Variants in UBE2D1 observed in about 807,000 individuals in gnomAD.
UBE2D1 encodes ubiquitin conjugating enzyme E2 D1.
In UBE2D1, 9 loss-of-function variants were observed where a neutral mutation model predicts 24.6. That is an observed-to-expected ratio of 0.37 (90% confidence interval 0.22 to 0.64). The LOEUF is 0.64. Among genes scored for constraint, UBE2D1 ranks in the 30% least tolerant of loss-of-function variants. UBE2D1 has a pLI of 0.64. For synonymous variants in UBE2D1, 57 were observed against 57.6 expected (o/e 0.99, Z 0.04); for missense variants, 87 against 177.1 (o/e 0.49, Z 2.89).
chr10:58,360,035 C>T (rs1840177142), intron 1 of UBE2D1, among the ~76,000 whole-genome samples: 1 of 152,164 alleles, frequency 6.6e-6, no homozygotes, highest in South Asian at 2.1e-4. Flanking sequence ...TAAATCAGAA[C>T]ATGCCACTTC....
At chr10:58,340,051 G>C (rs984237622) in intron 1 of UBE2D1, among the ~76,000 whole-genome samples, 1 of 152,124 alleles carries the variant, frequency 6.6e-6, no homozygotes, top group Non-Finnish European at 1.5e-5. Context: ...TTTCAACCTT[G>C]AGCTTTATGA....
intron 1 of UBE2D1, among the ~76,000 whole-genome samples, chr10:58,347,869 G>C (rs1043090939): frequency 2.6e-5 from 4 of 151,922 alleles, no homozygotes; most frequent in African/African-American, 7.3e-5. Context: ...GGCTGGTCTC[G>C]AACTCCTGAC....
intron 1 of UBE2D1, chr10:58,360,886 C>T: frequency 2.3e-6 from 1 of 431,074 alleles, no homozygotes; most frequent in Non-Finnish European, 4.6e-6. Flanking sequence ...CGTGCCACTG[C>T]ACTCCATCCT....
intron 1 of UBE2D1, among the ~76,000 whole-genome samples, chr10:58,346,037 G>A (rs556292437): frequency 2.7e-5 from 4 of 148,118 alleles, no homozygotes; most frequent in African/African-American, 1.0e-4. Context: ...TTTAGACGGA[G>A]TCTCACTCTG....
chr10:58,354,289 T>A (rs1176704191), intron 1 of UBE2D1, among the ~76,000 whole-genome samples: 1 of 152,098 alleles, frequency 6.6e-6, no homozygotes, highest in East Asian at 1.9e-4. Context: ...CAGGTAAAAT[T>A]TGATCATGGG....
At position 58,343,821 on chromosome 10, in the gene UBE2D1, T is replaced by C. The variant is rs60377313; in HGVS notation, c.24+8596T>C. Among the ~76,000 whole-genome samples, 5 of 152,314 alleles carry C rather than the reference T, an allele frequency of 3.3e-5. No homozygotes were observed. The East Asian group carries it at 7.7e-4, about 24-fold the overall frequency. On this transcript the variant is annotated intron_variant, in intron 1 of 6. Transcript: ENST00000373910. ...ATATGCCAGTTATTAGGTATAGAGC[T>C]GTAAGAAGCAATATTTAATAACAAA...
In UBE2D1 at chr10:58,370,471, A is replaced by C. The variant is rs1045854186; in HGVS notation, c.*1706A>C. On this transcript the variant is annotated 3_prime_UTR_variant, in exon 7 of 7. Transcript: ENST00000373910. The stretch of plus-strand genomic sequence containing the variant: ...TAAATGAATTGTGAAATGGATGTTT[A>C]AGAAAATATAGGCTTAAAAAGTAAA... 1.3e-5 allele frequency: 2 copies of C among 152,600 alleles called. No individual in the cohort carries two copies. Among genetic ancestry groups the C allele is most frequent in the Non-Finnish European group, 2.9e-5 (2 of 67,964 alleles). 9.5% of individuals were successfully genotyped at this position (152,600 alleles called of 1,614,324 possible).
chr10:58,366,404 C>A (rs1429536032), intron 5 of UBE2D1, among the ~76,000 whole-genome samples: 2 of 152,076 alleles, frequency 1.3e-5, no homozygotes, highest in African/African-American at 4.8e-5. Context: ...TTAACTGTTA[C>A]CCTTTTCCTT....
At position 58,368,860 on chromosome 10, in the gene UBE2D1, T is replaced by C; in HGVS notation, c.*95T>C. The C allele has an allele frequency of 2.5e-6, 2 of 784,466 alleles. No homozygotes were observed. The highest frequency in any genetic ancestry group is 3.8e-6 in the Non-Finnish European group (2 of 521,772). 48.6% of individuals were successfully genotyped at this position (784,466 alleles called of 1,614,324 possible). A position where few individuals can be genotyped will look rare whatever the true frequency, so the allele number is the denominator to read the frequency against. ...TTGAGCACTGTTTACTGTTTCATTG[T>C]ACCATGAAACCATTTGATTTTTACC... On this transcript the variant is annotated 3_prime_UTR_variant, in exon 7 of 7. Coordinates refer to ENST00000373910, the MANE Select transcript of UBE2D1 (RefSeq NM_003338.5).
rs900535094 is a variant in UBE2D1, at chr10:58,369,484, T to G, written c.*719T>G. On this transcript the variant is annotated 3_prime_UTR_variant, in exon 7 of 7. Transcript: ENST00000373910. ...TGCTAAGTAGGAAGATGTGTAACTTTTATTTGTTGCTATTCACATTTGAAT... is the reference window on the plus strand; with the variant it reads ...TGCTAAGTAGGAAGATGTGTAACTTGTATTTGTTGCTATTCACATTTGAAT... 1 of 152,586 alleles carries G rather than the reference T, an allele frequency of 6.6e-6. No individual in the cohort carries two copies. The highest frequency in any genetic ancestry group is 1.5e-5 in the Non-Finnish European group (1 of 67,860). 9.5% of individuals were successfully genotyped at this position (152,586 alleles called of 1,614,324 possible).
chr10:58,367,876 G>T, intron 5 of UBE2D1, 47 bp from the exon 6 acceptor site: 1 of 1,271,176 alleles, frequency 7.9e-7, no homozygotes, highest in South Asian at 1.3e-5. Context: ...TAATTTGTAT[G>T]AAGTAGAAGG....
chr10:58,364,962 A>T (rs1021797348), intron 5 of UBE2D1, 86 bp downstream of exon 5: 4 of 1,007,600 alleles, frequency 4.0e-6, no homozygotes, highest in Admixed American at 2.2e-5. Context: ...AAAGTTTTAA[A>T]ACAACAATCA....
chr10:58,345,057 G>T (rs1840001233), intron 1 of UBE2D1, among the ~76,000 whole-genome samples: 1 of 151,860 alleles, frequency 6.6e-6, no homozygotes, highest in Admixed American at 6.6e-5. Flanking sequence ...TAGAGACAGG[G>T]TTTTGCCATG....
intron 1 of UBE2D1, among the ~76,000 whole-genome samples, chr10:58,342,006 A>G (rs1487886000): frequency 6.6e-6 from 1 of 152,192 alleles, no homozygotes; most frequent in African/African-American, 2.4e-5. Flanking sequence ...ATGTGTCTGA[A>G]GGCAGGACAG....
intron 1 of UBE2D1, among the ~76,000 whole-genome samples, chr10:58,358,525 A>G (rs762767266): frequency 6.6e-6 from 1 of 152,182 alleles, no homozygotes; most frequent in Non-Finnish European, 1.5e-5. Context: ...TTGAATGCTT[A>G]CTATGTGCCA....
intron 1 of UBE2D1, among the ~76,000 whole-genome samples, chr10:58,340,383 T>G (rs896002242): frequency 9.9e-5 from 15 of 152,192 alleles, no homozygotes; most frequent in Admixed American, 9.2e-4. Flanking sequence ...TCCTCCTTGT[T>G]CAGCAGAGCA....
intron 4 of UBE2D1, 96 bp downstream of exon 4, chr10:58,363,782 A>G (rs1840225698): frequency 1.2e-6 from 1 of 863,968 alleles, no homozygotes; most frequent in African/African-American, 1.7e-5. Flanking sequence ...TTGATATGTC[A>G]AAGACTGTGG....
intron 1 of UBE2D1, among the ~76,000 whole-genome samples, chr10:58,341,818 T>C (rs934148197): frequency 2.6e-5 from 4 of 152,222 alleles, no homozygotes; most frequent in East Asian, 1.9e-4. Flanking sequence ...ACTAATGTAA[T>C]AGTCCCTGCC....
chr10:58,341,338 G>A (rs1300846813), intron 1 of UBE2D1, among the ~76,000 whole-genome samples: 1 of 152,144 alleles, frequency 6.6e-6, no homozygotes, highest in Non-Finnish European at 1.5e-5. Context: ...ACTTAAAGAA[G>A]CACGGTATTT....
Sources: gnomAD v4.1 joint callset for allele counts (sites outside exome capture counted in the v4.1 genomes callset) on GRCh38, gnomAD v4.1.1 for gene constraint, MANE v1.5 for transcripts, NCBI Gene and HGNC (gene_info 2026-07-23, HGNC 2026-07-21) for gene names.